The following MACROD2 variants were observed in gnomAD, a reference collection of about 807,000 sequenced individuals.
MACROD2 encodes mono-ADP ribosylhydrolase 2.
A neutral mutation model predicts 70.4 loss-of-function variants in MACROD2; 36 were observed. That is an observed-to-expected ratio of 0.51 (90% confidence interval 0.39 to 0.68). MACROD2 has a LOEUF of 0.68. Ranked by LOEUF, MACROD2 falls within the 30% of genes least tolerant of loss-of-function variation. The pLI is 0.00. For synonymous variants in MACROD2, 172 were observed against 178.8 expected, an observed-to-expected ratio of 0.96 and a Z score of 0.30; for missense variants, 496 against 538.4, an observed-to-expected ratio of 0.92 and a Z score of 0.78.
intron 5 of MACROD2, among the ~76,000 whole-genome samples, chr20:14,912,517 T>C (rs1358429878): frequency 6.6e-6 from 1 of 152,068 alleles, no homozygotes; most frequent in Non-Finnish European, 1.5e-5. Flanking sequence ...TTCAAGGGAA[T>C]TTTCTAGTAT....
In MACROD2 at chr20:14,326,396, G is replaced by A. The variant is rs2082736177; in HGVS notation, c.272-167083G>A. ...CCTTGGGCAGGATACACTGTGTTGG[G>A]TATTGCAGTGGTTATCTGAATGGTG... is the stretch of plus-strand genomic sequence containing the variant. On this transcript the variant is annotated intron_variant, in intron 3 of 17. Coordinates refer to ENST00000684519, the MANE Select transcript of MACROD2 (RefSeq NM_001351661.2). The surrounding 1 kb of genome is among the most constrained non-coding windows in gnomAD (Gnocchi z 5.5). 1 of 1,613,882 alleles carries A rather than the reference G, an allele frequency of 6.2e-7. No homozygotes were observed. Among genetic ancestry groups the A allele is most frequent in the Non-Finnish European group, 8.5e-7 (1 of 1,179,876 alleles).
intron 6 of MACROD2, among the ~76,000 whole-genome samples, chr20:15,319,948 G>A (rs1316471055): frequency 6.6e-6 from 1 of 152,008 alleles, no homozygotes; most frequent in African/African-American, 2.4e-5. Flanking sequence ...TTGCCAGGGG[G>A]CTGTAATCCC....
At chr20:14,335,546 A>G (rs2082920423) in intron 3 of MACROD2, among the ~76,000 whole-genome samples, 1 of 152,106 alleles carries the variant, frequency 6.6e-6, no homozygotes, top group African/African-American at 2.4e-5. Context: ...TAAAAACTTT[A>G]TTTGCTATCC....
chr20:15,635,842 C>T (rs558697862), intron 8 of MACROD2, among the ~76,000 whole-genome samples: 11 of 151,912 alleles, frequency 7.2e-5, no homozygotes, highest in Admixed American at 2.0e-4. Flanking sequence ...CCGAGGCAGG[C>T]GGATCACCTG....
intron 2 of MACROD2, among the ~76,000 whole-genome samples, chr20:14,044,403 C>T (rs1357381131): frequency 6.6e-6 from 1 of 152,106 alleles, no homozygotes; most frequent in Non-Finnish European, 1.5e-5. Flanking sequence ...AAAGCTTCCA[C>T]AGTGTGGAAG....
chr20:14,078,943 A>G (rs2053952680), intron 2 of MACROD2, among the ~76,000 whole-genome samples: 1 of 152,240 alleles, frequency 6.6e-6, no homozygotes, highest in Non-Finnish European at 1.5e-5. Context: ...ACATTTGCCA[A>G]TACCCTCATT....
intron 4 of MACROD2, among the ~76,000 whole-genome samples, chr20:14,529,548 A>G (rs1356371068): frequency 6.6e-6 from 1 of 152,210 alleles, no homozygotes; most frequent in Admixed American, 6.5e-5. Context: ...CACCTCCAAT[A>G]AAACTTTCTG....
At chr20:14,964,054 T>A (rs1387617676) in intron 5 of MACROD2, among the ~76,000 whole-genome samples, 2 of 147,450 alleles carry the variant, frequency 1.4e-5, no homozygotes, top group East Asian at 3.9e-4. Flanking sequence ...TTTTCTGTGT[T>A]TTTTTTTCTT....
chr20:15,842,639 T>A (rs555519948), intron 8 of MACROD2, among the ~76,000 whole-genome samples: 7 of 152,106 alleles, frequency 4.6e-5, no homozygotes, highest in Non-Finnish European at 1.5e-5. Context: ...TAAATTCTAC[T>A]GTTACTCATT....
chr20:14,927,787 A>G (rs1287019086), intron 5 of MACROD2, among the ~76,000 whole-genome samples: 1 of 152,224 alleles, frequency 6.6e-6, no homozygotes, highest in African/African-American at 2.4e-5. Flanking sequence ...TCAGTGGTCC[A>G]TGTTGGAATG....
chr20:14,154,644 C>T (rs1378898713), intron 3 of MACROD2, among the ~76,000 whole-genome samples: 1 of 150,082 alleles, frequency 6.7e-6, no homozygotes, highest in Non-Finnish European at 1.5e-5. Context: ...GACCTCTTGA[C>T]CTCGTGATCC....
intron 5 of MACROD2, among the ~76,000 whole-genome samples, chr20:14,857,978 G>A (rs1456690667): frequency 2.6e-5 from 4 of 151,864 alleles, no homozygotes; most frequent in Non-Finnish European, 5.9e-5. Context: ...CTGCCACCAC[G>A]CATGGCTAAT....
rs368617121 is a variant in MACROD2 at position 15,954,664 on chromosome 20, CT to C, written c.908-12883del. 6.4e-4 allele frequency among the ~76,000 whole-genome samples: 97 copies of C among 152,214 alleles called. No homozygotes were observed. The East Asian group carries it at 0.016, about 25-fold the overall frequency. On this transcript the variant is annotated intron_variant, in intron 12 of 17. Coordinates refer to ENST00000684519, the MANE Select transcript of MACROD2 (RefSeq NM_001351661.2). ...TCAACAGATATTTATTGGGTCTTAA[CT>C]TTTTTAAGACATTATGCAATATTAA...
intron 8 of MACROD2, among the ~76,000 whole-genome samples, chr20:15,762,574 C>T (rs180814772): frequency 2.9e-4 from 44 of 152,236 alleles, no homozygotes; most frequent in African/African-American, 1.0e-3. Flanking sequence ...TTGCTTTGAC[C>T]AATAGAAAGA....
rs554244215 is a variant in MACROD2 at position 14,532,384 on chromosome 20, A to AT, written c.301+38892dup. 5.5e-3 allele frequency among the ~76,000 whole-genome samples: 781 copies of AT among 141,534 alleles called. 3 individuals carry two copies. The highest frequency in any genetic ancestry group is 0.016 in the African/African-American group (611 of 38,600). 92.9% of individuals were successfully genotyped at this position (141,534 alleles called of 152,430 possible). A position where few individuals can be genotyped will look rare whatever the true frequency, so the allele number is the denominator to read the frequency against. ...AGGCGCCCGCCACCATGCCCGGCTA[A>AT]TTTTTTTTTTTTTTTTATTTAGTAG... On this transcript the variant is annotated intron_variant, in intron 4 of 17. Transcript: ENST00000684519.
At chr20:15,469,272 AG>A (rs546313403) in intron 7 of MACROD2, among the ~76,000 whole-genome samples, 60 of 152,368 alleles carry the variant, frequency 3.9e-4, no homozygotes, top group Middle Eastern at 3.4e-3. Context: ...AGCAAAAGAA[AG>A]GAGGTGGGAA....
intron 5 of MACROD2, among the ~76,000 whole-genome samples, chr20:14,872,929 A>T (rs2073505953): frequency 1.3e-5 from 2 of 152,080 alleles, no homozygotes; most frequent in Non-Finnish European, 2.9e-5. Flanking sequence ...ATGCAGGAGG[A>T]ACTACCAAAC....
chr20:15,019,613 C>T (rs888493899), intron 5 of MACROD2, among the ~76,000 whole-genome samples: 5 of 152,020 alleles, frequency 3.3e-5, no homozygotes, highest in East Asian at 3.8e-4. Flanking sequence ...TAAACCTTTT[C>T]GTTACTTCAT....
chr20:14,673,529 A>T lies in MACROD2; in HGVS notation c.302-11314A>T, dbSNP rs79874712. Among the ~76,000 whole-genome samples the T allele has an allele frequency of 5.3e-3, 808 of 152,294 alleles. 16 individuals are homozygous for T. Among genetic ancestry groups the T allele is most frequent in the African/African-American group, 0.018 (766 of 41,572 alleles). The stretch of plus-strand genomic sequence containing the variant: ...TCGCTTGGTGACATTGACCACAATT[A>T]TAGGGCCATAAAATCTGAATTCATA... On this transcript the variant is annotated intron_variant, in intron 4 of 17. Transcript: ENST00000684519.
Sources: allele counts gnomAD v4.1 joint callset (sites outside exome capture counted in the v4.1 genomes callset), GRCh38; gene constraint gnomAD v4.1.1; non-coding constraint Gnocchi (gnomAD v3.1); transcripts MANE v1.5; gene names NCBI Gene and HGNC (gene_info 2026-07-23, HGNC 2026-07-21).